DGKH: variants seen among roughly 807,000 people sequenced by gnomAD.
DGKH encodes the protein diacylglycerol kinase eta, also known as DAG kinase eta.
DGKH carries 90 observed loss-of-function variants against 159.3 expected under a neutral mutation model. The ratio of observed to expected loss-of-function variants is 0.57; its 90% CI spans 0.48 to 0.67. The LOEUF (loss-of-function observed/expected upper bound fraction) is 0.67. DGKH is among the 30% of genes least tolerant of loss of function. The probability of loss-of-function intolerance (pLI) is 0.00; values close to 1 mark genes in which losing one functional copy is unlikely to be tolerated. For synonymous variants in DGKH, 536 were observed against 553.8 expected, an observed-to-expected ratio of 0.97 and a Z score of 0.45; for missense variants, 1,181 against 1,506.1, an observed-to-expected ratio of 0.78 and a Z score of 3.57.
chr13:42,226,274 A>G (rs578033625), intron 29 of DGKH, among the ~76,000 whole-genome samples: 2 of 152,314 alleles, frequency 1.3e-5, no homozygotes, highest in Admixed American at 1.3e-4. Flanking sequence ...CAGAACGGCA[A>G]TTGTTAAAAA....
chr13:42,141,710 G>A (rs1371814245), intron 3 of DGKH, among the ~76,000 whole-genome samples: 3 of 152,196 alleles, frequency 2.0e-5, no homozygotes, highest in African/African-American at 4.8e-5. Context: ...TTTGAGAAGT[G>A]TCTGTTCATA....
chr13:42,140,486 T>G (rs1157392386), intron 3 of DGKH: 1 of 152,232 alleles, frequency 6.6e-6, no homozygotes, highest in Non-Finnish European at 1.5e-5. Context: ...TGTGTGGAAG[T>G]AAACTTCTAA....
chr13:42,189,962 C>G (rs1957022937), intron 15 of DGKH, among the ~76,000 whole-genome samples: 1 of 152,104 alleles, frequency 6.6e-6, no homozygotes, highest in Non-Finnish European at 1.5e-5. Context: ...ACCACTGCAC[C>G]CTGCCAGAAA....
chr13:42,202,667 C>G (rs1236825480), intron 20 of DGKH, among the ~76,000 whole-genome samples: 2 of 152,166 alleles, frequency 1.3e-5, no homozygotes, highest in Non-Finnish European at 2.9e-5. Context: ...ATCAGTGATT[C>G]TGATATATAC....
intron 25 of DGKH, 45 bp from the exon 26 acceptor site, chr13:42,215,530 C>T: frequency 7.3e-7 from 1 of 1,373,816 alleles, no homozygotes; most frequent in African/African-American, 1.4e-5. Context: ...TAATGAAATC[C>T]TATTTTAATA....
At position 42,107,812 on chromosome 13, in the gene DGKH, C is replaced by T. The variant is rs539379257; in HGVS notation, c.193-19651C>T. ...ACCTTGAGTGTGCTGTCTCTCTGAG[C>T]TTGTGCTCCTTGGCCTTTGGGGACC... is the stretch of plus-strand genomic sequence containing the variant. On this transcript the variant is annotated intron_variant, in intron 1 of 29. Coordinates refer to ENST00000337343, the MANE Select transcript of DGKH (RefSeq NM_178009.5). Among the ~76,000 whole-genome samples, 32 of 152,164 alleles carry T rather than the reference C, an allele frequency of 2.1e-4. 1 individual carries two copies. Among genetic ancestry groups the T allele is most frequent in the African/African-American group, 7.2e-4 (30 of 41,500 alleles).
intron 1 of DGKH, among the ~76,000 whole-genome samples, chr13:42,107,663 T>C (rs1050997916): frequency 1.3e-5 from 2 of 152,118 alleles, no homozygotes; most frequent in Non-Finnish European, 2.9e-5. Context: ...TTTGTGGGAC[T>C]GTGGTGTTCA....
intron 3 of DGKH, among the ~76,000 whole-genome samples, chr13:42,129,843 A>T (rs1016662411): frequency 6.6e-6 from 1 of 152,168 alleles, no homozygotes; most frequent in Admixed American, 6.5e-5. Flanking sequence ...CTTTTTAAAA[A>T]TTTTATAATT....
chr13:42,075,376 A>T (rs984358121), intron 1 of DGKH, among the ~76,000 whole-genome samples: 1 of 152,206 alleles, frequency 6.6e-6, no homozygotes, highest in African/African-American at 2.4e-5. Context: ...TATTTATTTC[A>T]TCATGAAAGT....
chr13:42,114,504 C>T (rs1326853242), intron 1 of DGKH, among the ~76,000 whole-genome samples: 2 of 152,118 alleles, frequency 1.3e-5, no homozygotes, highest in African/African-American at 4.8e-5. Flanking sequence ...ATGGCCTCTG[C>T]TCTCGCTGAG....
In DGKH at chr13:42,224,157, T is replaced by A. The variant is rs143201272; in HGVS notation, c.3573+2763T>A. On this transcript the variant is annotated intron_variant, in intron 29 of 29. Coordinates refer to ENST00000337343, the MANE Select transcript of DGKH (RefSeq NM_178009.5). ...CACATTTTCTTTATGCAGTCATCCA[T>A]TGATGGAAACCTAGGTTAGAGAATT... Among the ~76,000 whole-genome samples the A allele has an allele frequency of 9.8e-4, 149 of 152,340 alleles. No homozygotes were observed. In the East Asian group the frequency reaches 0.026, roughly 27 times the overall value.
rs1955764826 is a variant in DGKH at position 42,147,474 on chromosome 13, TG to T, written c.385-7815del. On this transcript the variant is annotated intron_variant, in intron 3 of 29. Coordinates refer to ENST00000337343, the MANE Select transcript of DGKH (RefSeq NM_178009.5). ...AGGTTTTAAAAATATTTTAGTTTTG[TG>T]GTGACCAATACAAAACAAGATAATT... Among the ~76,000 whole-genome samples, 3 of 152,238 alleles carry T rather than the reference TG, an allele frequency of 2.0e-5. No individual in the cohort carries two copies. The South Asian group carries it at 6.2e-4, about 32-fold the overall frequency.
rs951089994 is a variant in DGKH at position 42,188,948 on chromosome 13, A to G, written c.1639-88A>G. 3.4e-6 allele frequency: 5 copies of G among 1,459,682 alleles called. No homozygotes were observed. In the African/African-American group the frequency reaches 5.7e-5, roughly 17 times the overall value. The allele number at this position is 1,459,682 out of a possible 1,614,324, so 90.4% of individuals were successfully genotyped here. A position where few individuals can be genotyped will look rare whatever the true frequency, so the allele number is the denominator to read the frequency against. Reference sequence around the variant, plus strand: ...TTTTCTCTCTAGTGATTAAACTTTCAAAACATCTCTATAAAAATTTCTTGT... The same window carrying G: ...TTTTCTCTCTAGTGATTAAACTTTCGAAACATCTCTATAAAAATTTCTTGT... On this transcript the variant is annotated intron_variant, in intron 14 of 29. Coordinates refer to ENST00000337343, the MANE Select transcript of DGKH (RefSeq NM_178009.5).
intron 16 of DGKH, among the ~76,000 whole-genome samples, chr13:42,193,612 T>A (rs1957136159): frequency 6.6e-6 from 1 of 152,232 alleles, no homozygotes; most frequent in African/African-American, 2.4e-5. Context: ...TAGTTACTTG[T>A]AATGGAACAT....
In DGKH at chr13:42,256,090, AG is replaced by A; in HGVS notation, n.4128-192del. ...AACTGATCTTGCCTGAAAATGAACC[AG>A]GAAGTAGTATCATGCCAGGCAAGGT... is the stretch of plus-strand genomic sequence containing the variant. On this transcript the variant is annotated intron_variant and non_coding_transcript_variant, in intron 30 of 30. Coordinates refer to the DGKH transcript ENST00000498255. The A allele has an allele frequency of 2.5e-6, 3 of 1,222,978 alleles. No individual in the cohort carries two copies. The African/African-American group carries it at 4.4e-5, about 18-fold the overall frequency. The allele number at this position is 1,222,978 out of a possible 1,614,324, so 75.8% of individuals were successfully genotyped here.
chr13:42,114,892 T>A (rs1050531535), intron 1 of DGKH, among the ~76,000 whole-genome samples: 5 of 152,208 alleles, frequency 3.3e-5, no homozygotes, highest in Non-Finnish European at 7.3e-5. Context: ...AACACCTTTT[T>A]CCCCAAAGTG....
At chr13:42,198,661 A>G in intron 18 of DGKH, 66 bp downstream of exon 18, 1 of 1,293,374 alleles carries the variant, frequency 7.7e-7, no homozygotes, top group Non-Finnish European at 1.1e-6. Flanking sequence ...TTCAACATGA[A>G]CTGTAACATT....
In DGKH at chr13:42,238,720, T is replaced by A. The variant is rs1225731076; in HGVS notation, c.*9532T>A. 1.3e-5 allele frequency: 2 copies of A among 152,178 alleles called. No homozygotes were observed. The highest frequency in any genetic ancestry group is 4.8e-5 in the African/African-American group (2 of 41,452). The allele number at this position is 152,178 out of a possible 1,614,324, so 9.4% of individuals were successfully genotyped here. On this transcript the variant is annotated 3_prime_UTR_variant, in exon 30 of 30. Coordinates refer to ENST00000337343, the MANE Select transcript of DGKH (RefSeq NM_178009.5). ...TAAAGAAACTAAACTAGAGATTGTC[T>A]TTATTAATTAATGGAACTCTGGGTA...
chr13:42,143,336 C>T (rs925725750), intron 3 of DGKH, among the ~76,000 whole-genome samples: 7 of 152,174 alleles, frequency 4.6e-5, no homozygotes, highest in African/African-American at 1.7e-4. Flanking sequence ...TGATGTTCAT[C>T]AGGGATATTG....
Sources: allele counts gnomAD v4.1 joint callset (sites outside exome capture counted in the v4.1 genomes callset), GRCh38; gene constraint gnomAD v4.1.1; transcripts MANE v1.5; gene names NCBI Gene and HGNC (gene_info 2026-07-23, HGNC 2026-07-21).